JAKMIP1: variants seen among roughly 807,000 people sequenced by gnomAD.
The protein encoded by JAKMIP1 is janus kinase and microtubule-interacting protein 1.
A neutral mutation model predicts 113.0 loss-of-function variants in JAKMIP1; 33 were observed. The ratio of observed to expected loss-of-function variants is 0.29; its 90% confidence interval spans 0.22 to 0.39. The LOEUF is 0.39. JAKMIP1 is among the 10% of genes least tolerant of loss of function. The pLI is 1.00. For missense variants in JAKMIP1, 813 were observed against 1,080.5 expected (o/e 0.75, Z 3.47); for synonymous variants, 480 against 459.9 (o/e 1.04, Z -0.56).
rs1249203140 is a variant in JAKMIP1 at position 6,067,855 on chromosome 4, C to T, written c.1303-2847G>A. Among the ~76,000 whole-genome samples the T allele has an allele frequency of 6.6e-6, 1 of 151,742 alleles. No individual in the cohort carries two copies. The highest frequency in any genetic ancestry group is 1.9e-4 in the East Asian group (1 of 5,182). On this transcript the variant is annotated intron_variant, in intron 8 of 20. Transcript: ENST00000409021. This position sits in a 1 kb window ranked among gnomAD's most constrained non-coding sequence, Gnocchi z 4.6. ...AAGCTCTTCTGCACACGCAGGTCAC[C>T]CCCCTGAGCTCCACGTTCCACATTT...
chr4:6,135,533 G>C lies in JAKMIP1; in HGVS notation c.-147-22536C>G, dbSNP rs991300822. ...TACAGAGATGCTCCTTGAGCTGCCCGACCCCACTCCACGGACGGGGATTTC... is the reference window on the plus strand; with the variant it reads ...TACAGAGATGCTCCTTGAGCTGCCCCACCCCACTCCACGGACGGGGATTTC... On this transcript the variant is annotated intron_variant, in intron 1 of 20. Transcript: ENST00000409021. This position sits in a 1 kb window ranked among gnomAD's most constrained non-coding sequence, Gnocchi z 4.9. 6.6e-6 allele frequency among the ~76,000 whole-genome samples: 1 copy of C among 152,090 alleles called. No homozygotes were observed. Among genetic ancestry groups the C allele is most frequent in the Non-Finnish European group, 1.5e-5 (1 of 68,006 alleles).
rs1482401400 is a variant in JAKMIP1 at position 6,106,384 on chromosome 4, T to C, written c.130-417A>G. Among the ~76,000 whole-genome samples, 2 of 152,046 alleles carry C rather than the reference T, an allele frequency of 1.3e-5. No individual in the cohort carries two copies. Among genetic ancestry groups the C allele is most frequent in the African/African-American group, 4.8e-5 (2 of 41,460 alleles). ...TGGAGTTGGAAAAGACAGACCAGGCTTCTAAGTCCTGGGGGGCAGTGAGCA... is the reference window on the plus strand; with the variant it reads ...TGGAGTTGGAAAAGACAGACCAGGCCTCTAAGTCCTGGGGGGCAGTGAGCA... On this transcript the variant is annotated intron_variant, in intron 2 of 20. Coordinates refer to ENST00000409021, the MANE Select transcript of JAKMIP1 (RefSeq NM_001099433.2). The surrounding 1 kb of genome is among the most constrained non-coding windows in gnomAD (Gnocchi z 5.9).
In JAKMIP1 at chr4:6,181,403, A is replaced by G. The variant is rs1469353491; in HGVS notation, c.-148+18850T>C. ...ACTGCCAGGTTACTACCAGGTCACTATCAGGTTACCACCAGCTCAGTACAG... is the reference window on the plus strand; with the variant it reads ...ACTGCCAGGTTACTACCAGGTCACTGTCAGGTTACCACCAGCTCAGTACAG... On this transcript the variant is annotated intron_variant, in intron 1 of 20. Transcript: ENST00000409021. This position sits in a 1 kb window ranked among gnomAD's most constrained non-coding sequence, Gnocchi z 5.4. 6.6e-6 allele frequency among the ~76,000 whole-genome samples: 1 copy of G among 152,148 alleles called. No individual in the cohort carries two copies. The highest frequency in any genetic ancestry group is 6.5e-5 in the Admixed American group (1 of 15,284).
chr4:6,043,149 C>A (rs1452429727), intron 16 of JAKMIP1, among the ~76,000 whole-genome samples: 1 of 152,044 alleles, frequency 6.6e-6, no homozygotes, highest in Non-Finnish European at 1.5e-5. Context: ...ATTGCTAAGG[C>A]TGTCGGATGG....
At chr4:6,115,744 T>A (rs982290791) in intron 1 of JAKMIP1, among the ~76,000 whole-genome samples, 7 of 152,216 alleles carry the variant, frequency 4.6e-5, no homozygotes, top group African/African-American at 1.7e-4. Flanking sequence ...AAGAAAAATA[T>A]CTGCAATTAG....
In JAKMIP1 at chr4:6,061,784, A is replaced by G. The variant is rs1198181066; in HGVS notation, c.1560+528T>C. ...GCGAGAGCAGGCCCCAGTCTATGTG[A>G]CTCCCGAAGGTGGGAGAAGGGCCAG... On this transcript the variant is annotated intron_variant, in intron 10 of 20. Transcript: ENST00000409021. This position sits in a 1 kb window ranked among gnomAD's most constrained non-coding sequence, Gnocchi z 5.3. Among the ~76,000 whole-genome samples the G allele has an allele frequency of 1.3e-5, 2 of 151,838 alleles. No homozygotes were observed. The highest frequency in any genetic ancestry group is 2.9e-5 in the Non-Finnish European group (2 of 67,966).
chr4:6,037,730 T>A (rs1260682050), intron 18 of JAKMIP1, among the ~76,000 whole-genome samples: 2 of 128,670 alleles, frequency 1.6e-5, no homozygotes. Flanking sequence ...TAGCCCTCCA[T>A]CACCGAGGCA....
In JAKMIP1 at chr4:6,129,651, G is replaced by A. The variant is rs114874684; in HGVS notation, c.-147-16654C>T. ...TTGTCCAGACCCCCACTCAGCTGCC[G>A]TTCTCAATATTTCCCTACACAGATC... On this transcript the variant is annotated intron_variant, in intron 1 of 20. Transcript: ENST00000409021. This position sits in a 1 kb window ranked among gnomAD's most constrained non-coding sequence, Gnocchi z 5.4. 1.6e-3 allele frequency among the ~76,000 whole-genome samples: 241 copies of A among 151,954 alleles called. 1 individual carries two copies. The highest frequency in any genetic ancestry group is 5.6e-3 in the African/African-American group (232 of 41,412).
chr4:6,122,213 C>T (rs532622436), intron 1 of JAKMIP1, among the ~76,000 whole-genome samples: 32 of 152,170 alleles, frequency 2.1e-4, no homozygotes, highest in Admixed American at 1.4e-3. Context: ...GTAATCCCAA[C>T]TGTTCAGAAG....
intron 3 of JAKMIP1, among the ~76,000 whole-genome samples, chr4:6,095,801 G>A (rs2108851675): frequency 6.7e-6 from 1 of 149,150 alleles, no homozygotes. Context: ...CGTCTGCTAT[G>A]CACCACACTG....
At position 6,026,245 on chromosome 4, in the gene JAKMIP1, A is replaced by G. The variant is rs1390933253; in HGVS notation, c.2479T>C (p.Phe827Leu). The change falls in exon 21 of 21, where the codon TTC (phenylalanine) becomes CTC (leucine). Residue 827 changes from phenylalanine (F) to leucine (L), a missense_variant. By Grantham distance (22) the Phe-to-Leu change is conservative. Transcript: ENST00000409021. The part of the protein sequence containing the change: ...LFLFLFFSLA[F>L]ILWP ...TGAAGTCATCAAGGCCACAGAATGAATGCTAGTGAGAAAAACAAAAAAAGG... is the reference window on the plus strand; with the variant it reads ...TGAAGTCATCAAGGCCACAGAATGAGTGCTAGTGAGAAAAACAAAAAAAGG... 1.3e-6 allele frequency: 2 copies of G among 1,546,558 alleles called. No homozygotes were observed. The highest frequency in any genetic ancestry group is 1.2e-5 in the South Asian group (1 of 83,114).
At chr4:6,079,127 C>T (rs891334399) in intron 7 of JAKMIP1, 129 bp from the exon 8 acceptor site, 9 of 821,816 alleles carry the variant, frequency 1.1e-5, no homozygotes, top group African/African-American at 1.7e-5. Flanking sequence ...TCTAAGTGCC[C>T]AAGTGATGGC....
chr4:6,160,561 C>T (rs1422589993), intron 1 of JAKMIP1, among the ~76,000 whole-genome samples: 1 of 152,120 alleles, frequency 6.6e-6, no homozygotes, highest in Non-Finnish European at 1.5e-5. Flanking sequence ...CCCATTCCCA[C>T]CTTTTCCCAA....
rs1216713323 is a variant in JAKMIP1, at chr4:6,183,497, T to TAAATAAATAAATAAAG, written c.-148+16755_-148+16756insCTTTATTTATTTATTT. Among the ~76,000 whole-genome samples the TAAATAAATAAATAAAG allele has an allele frequency of 6.6e-6, 1 of 150,424 alleles. No homozygotes were observed. The highest frequency in any genetic ancestry group is 2.4e-5 in the African/African-American group (1 of 41,060). On this transcript the variant is annotated intron_variant, in intron 1 of 20. Transcript: ENST00000409021. The surrounding 1 kb of genome is among the most constrained non-coding windows in gnomAD (Gnocchi z 5.3). ...CTGTCTCAATAAATAAATAAATAAA[T>TAAATAAATAAATAAAG]AAATAAATAAATTTAAAAAAGAAAG...
At position 6,105,794 on chromosome 4, in the gene JAKMIP1, G is replaced by A. The variant is rs758911646; in HGVS notation, c.303C>T (p.Arg101=). The part of the protein sequence containing the change: ...LIRQHEQEAA[R]TAKIKEGELQ... ...GCTCGCCCTCCTTGATCTTGGCGGT[G>A]CGCGCCGCCTCCTGCTCGTGCTGCC... Residue 101 remains arginine, a synonymous_variant, in exon 3 of 21, where the codon CGC becomes CGT. Coordinates refer to ENST00000409021, the MANE Select transcript of JAKMIP1 (RefSeq NM_001099433.2). The A allele has an allele frequency of 1.9e-6, 3 of 1,608,134 alleles. No individual in the cohort carries two copies. Among genetic ancestry groups the A allele is most frequent in the Non-Finnish European group, 2.5e-6 (3 of 1,179,532 alleles).
Position 6,143,735 on chromosome 4 carries a change from G to A in JAKMIP1, c.-147-30738C>T, listed in dbSNP as rs1451635024. Among the ~76,000 whole-genome samples, 1 of 152,198 alleles carries A rather than the reference G, an allele frequency of 6.6e-6. No homozygotes were observed. The highest frequency in any genetic ancestry group is 1.5e-5 in the Non-Finnish European group (1 of 68,032). ...CGTGGGGGTGGACTCAGCAGTGTGG[G>A]TTTTAACAAGTCCTCTGAGTGATTC... On this transcript the variant is annotated intron_variant, in intron 1 of 20. Transcript: ENST00000409021. The surrounding 1 kb of genome is among the most constrained non-coding windows in gnomAD (Gnocchi z 4.9).
At position 6,180,957 on chromosome 4, in the gene JAKMIP1, A is replaced by C. The variant is rs1222363008; in HGVS notation, c.-148+19296T>G. ...TTTATTAACGTGCAAAGACCCCTTA[A>C]GAAGTCCCAGAAAAGGCCCCAGCCA... On this transcript the variant is annotated intron_variant, in intron 1 of 20. Transcript: ENST00000409021. The surrounding 1 kb of genome is among the most constrained non-coding windows in gnomAD (Gnocchi z 4.5). Among the ~76,000 whole-genome samples, 1 of 152,134 alleles carries C rather than the reference A, an allele frequency of 6.6e-6. No homozygotes were observed. The highest frequency in any genetic ancestry group is 1.9e-4 in the East Asian group (1 of 5,182).
At position 6,134,684 on chromosome 4, in the gene JAKMIP1, C is replaced by T. The variant is rs561542969; in HGVS notation, c.-147-21687G>A. Among the ~76,000 whole-genome samples, 20 of 152,344 alleles carry T rather than the reference C, an allele frequency of 1.3e-4. No homozygotes were observed. In the South Asian group the frequency reaches 4.1e-3, roughly 32 times the overall value. On this transcript the variant is annotated intron_variant, in intron 1 of 20. Transcript: ENST00000409021. ...GCCTGTTGCCTCAACCTCCCAAGAG[C>T]CTGGCTCGGTGTCTGCCAGAATCAA...
In JAKMIP1 at chr4:6,157,843, C is replaced by A. The variant is rs936263109; in HGVS notation, c.-148+42410G>T. On this transcript the variant is annotated intron_variant, in intron 1 of 20. Transcript: ENST00000409021. The surrounding 1 kb of genome is among the most constrained non-coding windows in gnomAD (Gnocchi z 4.7). Reference sequence around the variant, plus strand: ...TGATGAAAAAACTTAAATTAGATGCCAACACAGCTAACAGATTGTTGTCTA... The same window carrying A: ...TGATGAAAAAACTTAAATTAGATGCAAACACAGCTAACAGATTGTTGTCTA... Among the ~76,000 whole-genome samples the A allele has an allele frequency of 1.3e-5, 2 of 152,192 alleles. No homozygotes were observed. The highest frequency in any genetic ancestry group is 2.9e-5 in the Non-Finnish European group (2 of 68,016).
Sources: gnomAD v4.1 joint callset for allele counts (sites outside exome capture counted in the v4.1 genomes callset) on GRCh38, gnomAD v4.1.1 for gene constraint, Gnocchi (gnomAD v3.1) non-coding constraint, MANE v1.5 for transcripts, NCBI Gene and HGNC (gene_info 2026-07-23, HGNC 2026-07-21) for gene names.